The following SDS variants were observed in gnomAD, a reference collection of about 807,000 sequenced individuals.
The protein encoded by SDS is serine dehydratase.
In SDS, 19 loss-of-function variants were observed where a neutral mutation model predicts 29.3. That is an observed-to-expected ratio of 0.65 (90% CI 0.45 to 0.95). The LOEUF is 0.95. Ranked by LOEUF, SDS falls within the 40% of genes least tolerant of loss-of-function variation. SDS has a pLI of 0.00. For missense variants in SDS, 375 were observed against 439.9 expected (o/e 0.85, Z 1.32); for synonymous variants, 176 against 189.0 (o/e 0.93, Z 0.56).
At chr12:113,399,277 C>A (rs111469745) in intron 2 of SDS, 126 bp from the exon 3 acceptor site, 3 of 1,080,336 alleles carry the variant, frequency 2.8e-6, no homozygotes, top group African/African-American at 1.6e-5. Flanking sequence ...AGAATTTGTT[C>A]TACCCTTGTC....
intron 6 of SDS, among the ~76,000 whole-genome samples, chr12:113,395,601 T>G (rs1190295594): frequency 6.6e-6 from 1 of 152,186 alleles, no homozygotes; most frequent in African/African-American, 2.4e-5. Flanking sequence ...GAGCATAGCC[T>G]TCTGCCCTTG....
intron 6 of SDS, among the ~76,000 whole-genome samples, chr12:113,395,845 C>T (rs974857130): frequency 6.6e-6 from 1 of 152,192 alleles, no homozygotes; most frequent in African/African-American, 2.4e-5. Context: ...GGTGCGGTGG[C>T]TCACGCCTGT....
chr12:113,394,074 G>A, intron 6 of SDS, 58 bp from the exon 7 acceptor site: 1 of 1,554,254 alleles, frequency 6.4e-7, no homozygotes. Context: ...AGAGAGATGG[G>A]GGCAGGGAGG....
At chr12:113,399,736 G>T in intron 1 of SDS, 26 bp from the exon 2 acceptor site, 1 of 1,521,440 alleles carries the variant, frequency 6.6e-7, no homozygotes, top group African/African-American at 1.4e-5. Flanking sequence ...GAAACCCAGA[G>T]GGTTAGGAGA....
chr12:113,395,789 T>C (rs768505765), intron 6 of SDS, among the ~76,000 whole-genome samples: 1 of 152,190 alleles, frequency 6.6e-6, no homozygotes, highest in South Asian at 2.1e-4. Flanking sequence ...GCCTTCTGTG[T>C]AATGGGGTCA....
chr12:113,392,916 G>A lies in SDS; in HGVS notation c.*25C>T, dbSNP rs776363991. On this transcript the variant is annotated 3_prime_UTR_variant, in exon 8 of 8. Transcript: ENST00000257549. ...TCCAGGGGTCTCTTGGGCTAGGAGA[G>A]CACAGATCGGTAAGGGGTCCGTCCT... The A allele has an allele frequency of 1.2e-6, 2 of 1,607,926 alleles. No homozygotes were observed. The highest frequency in any genetic ancestry group is 1.3e-5 in the African/African-American group (1 of 74,798).
At chr12:113,393,489 T>C (rs1287239406) in intron 7 of SDS, among the ~76,000 whole-genome samples, 4 of 152,174 alleles carry the variant, frequency 2.6e-5, no homozygotes, top group African/African-American at 9.7e-5. Flanking sequence ...ACTATTTTTT[T>C]CTCTCTTTTT....
In SDS at chr12:113,399,561, T is replaced by C. The variant is rs142645909; in HGVS notation, c.148A>G (p.Lys50Glu). The change falls in exon 2 of 8, where the codon AAG (lysine) becomes GAG (glutamate). Residue 50 changes from lysine (K) to glutamate (E), a missense_variant. Coordinates refer to ENST00000257549, the MANE Select transcript of SDS (RefSeq NM_006843.3). Reference protein sequence around the residue: ...FKIRGIGHFCKRWAKQGCAHF... With the variant: ...FKIRGIGHFCERWAKQGCAHF... ...ATGCTGACCCGGTCCCGTACCCTCT[T>C]GCAGAAGTGCCCAATGCCCCGGATC... The C allele has an allele frequency of 3.1e-4, 490 of 1,586,324 alleles. No homozygotes were observed. The highest frequency in any genetic ancestry group is 4.1e-4 in the Admixed American group (23 of 56,570).
chr12:113,394,522 T>C (rs1957633633), intron 6 of SDS, among the ~76,000 whole-genome samples: 1 of 151,944 alleles, frequency 6.6e-6, no homozygotes, highest in African/African-American at 2.4e-5. Flanking sequence ...GTATTTTTAG[T>C]AGAGATGGGG....
chr12:113,399,737 G>A (rs1324499186), intron 1 of SDS, 27 bp from the exon 2 acceptor site: 14 of 1,518,588 alleles, frequency 9.2e-6, no homozygotes, highest in Non-Finnish European at 1.2e-5. Flanking sequence ...AAACCCAGAG[G>A]GTTAGGAGAG....
At chr12:113,398,225 C>A (rs1484844553) in intron 5 of SDS, among the ~76,000 whole-genome samples, 1 of 151,924 alleles carries the variant, frequency 6.6e-6, no homozygotes, top group Non-Finnish European at 1.5e-5. Flanking sequence ...CGTGTGTCAC[C>A]AAGTACAGGT....
At chr12:113,398,301 C>T (rs1401599221) in intron 5 of SDS, among the ~76,000 whole-genome samples, 1 of 152,148 alleles carries the variant, frequency 6.6e-6, no homozygotes, top group Non-Finnish European at 1.5e-5. Flanking sequence ...AAACACCTGA[C>T]CTCAAGTGAT....
chr12:113,400,563 C>T (rs1957679021), intron 1 of SDS, among the ~76,000 whole-genome samples: 1 of 151,654 alleles, frequency 6.6e-6, no homozygotes, highest in South Asian at 2.1e-4. Flanking sequence ...CATACTCCAT[C>T]CACACACACA....
chr12:113,396,086 C>T (rs140467720), intron 6 of SDS, among the ~76,000 whole-genome samples: 22 of 152,200 alleles, frequency 1.4e-4, no homozygotes, highest in African/African-American at 4.8e-4. Flanking sequence ...GCAACAAGAG[C>T]GAAACTCTGT....
intron 3 of SDS, 77 bp downstream of exon 3, chr12:113,399,035 A>C (rs1957667467): frequency 6.3e-7 from 1 of 1,592,520 alleles, no homozygotes; most frequent in Non-Finnish European, 8.6e-7. Flanking sequence ...TTGCTGGGGA[A>C]ACCAGGGCTC....
chr12:113,401,824 G>T (rs1957686101), intron 1 of SDS, among the ~76,000 whole-genome samples: 2 of 152,246 alleles, frequency 1.3e-5, no homozygotes, highest in Middle Eastern at 3.4e-3. Flanking sequence ...AGAGTCTCAG[G>T]GAGGATTTGA....
intron 3 of SDS, 38 bp downstream of exon 3, chr12:113,399,074 A>G: frequency 6.2e-7 from 1 of 1,612,508 alleles, no homozygotes; most frequent in Non-Finnish European, 8.5e-7. Context: ...ATCCCAGGAC[A>G]CACAGCAGAG....
chr12:113,403,321 C>T (rs1043477004), intron 1 of SDS, among the ~76,000 whole-genome samples: 2 of 151,896 alleles, frequency 1.3e-5, no homozygotes, highest in African/African-American at 4.8e-5. Flanking sequence ...GTCAGGAGTT[C>T]GAGACCAGCC....
intron 5 of SDS, 142 bp downstream of exon 5, chr12:113,398,373 A>C (rs1957661353): frequency 1.7e-6 from 1 of 603,298 alleles, no homozygotes; most frequent in Non-Finnish European, 2.9e-6. Context: ...GCCCCGCCTA[A>C]GTGTGCTTCT....
Sources: allele counts gnomAD v4.1 joint callset (sites outside exome capture counted in the v4.1 genomes callset), GRCh38; gene constraint gnomAD v4.1.1; transcripts MANE v1.5; gene names NCBI Gene and HGNC (gene_info 2026-07-23, HGNC 2026-07-21).